RBFOX1: variants seen among roughly 807,000 people sequenced by gnomAD.
RBFOX1 encodes RNA binding protein fox-1 homolog 1.
Under a neutral mutation model 57.7 loss-of-function variants are expected in RBFOX1, and 8 were observed. The observed-to-expected ratio is 0.14, with a 90% CI of 0.08 to 0.25. The LOEUF is 0.25. RBFOX1 is among the 10% of genes least tolerant of loss of function. The pLI, the probability that RBFOX1 is intolerant of heterozygous loss-of-function variation, is 1.00. For missense variants in RBFOX1, 611 were observed against 548.5 expected (o/e 1.11, Z -1.14); for synonymous variants, 326 against 222.4 (o/e 1.47, Z -4.15).
At chr16:7,294,890 A>G (rs1293881390) in intron 4 of RBFOX1, among the ~76,000 whole-genome samples, 1 of 152,190 alleles carries the variant, frequency 6.6e-6, no homozygotes, top group Non-Finnish European at 1.5e-5. Flanking sequence ...AACAGACCAG[A>G]AAACCCTGTT....
At chr16:7,670,509 G>A (rs1431545547) in intron 13 of RBFOX1, among the ~76,000 whole-genome samples, 2 of 152,170 alleles carry the variant, frequency 1.3e-5, no homozygotes, top group African/African-American at 4.8e-5. Flanking sequence ...AGATGGGAAA[G>A]GAAGAGGGAG....
At chr16:6,235,050 G>C (rs142257461) in intron 1 of RBFOX1, among the ~76,000 whole-genome samples, 196 of 152,168 alleles carry the variant, frequency 1.3e-3, no homozygotes, top group Non-Finnish European at 2.4e-3. Flanking sequence ...AGATTGGCAG[G>C]GACATTGGTA....
chr16:7,217,737 C>T (rs763998649), intron 4 of RBFOX1, among the ~76,000 whole-genome samples: 4 of 152,192 alleles, frequency 2.6e-5, no homozygotes, highest in Non-Finnish European at 5.9e-5. Context: ...GCTTTATTTA[C>T]ATCAGTAAAG....
At chr16:6,419,950 C>A (rs7190164) in intron 2 of RBFOX1, among the ~76,000 whole-genome samples, 86,410 of 151,880 alleles carry the variant, frequency 0.57, 24,949 homozygotes, top group African/African-American at 0.67. Flanking sequence ...TGCAGGCCCC[C>A]CCATCCCTTC....
intron 3 of RBFOX1, among the ~76,000 whole-genome samples, chr16:6,821,903 T>C (rs562533220): frequency 6.4e-4 from 98 of 152,334 alleles, no homozygotes; most frequent in African/African-American, 2.3e-3. Flanking sequence ...CTAGGTCATA[T>C]GGTTTAACCC....
chr16:6,331,629 A>G (rs2083050131), intron 2 of RBFOX1, among the ~76,000 whole-genome samples: 1 of 149,704 alleles, frequency 6.7e-6, no homozygotes, highest in Non-Finnish European at 1.5e-5. Flanking sequence ...TATATAATCT[A>G]TCTGTTAATC....
chr16:6,992,166 A>AT (rs148693407), intron 3 of RBFOX1, among the ~76,000 whole-genome samples: 70,538 of 148,112 alleles, frequency 0.48, 19,449 homozygotes, highest in Non-Finnish European at 0.63. Flanking sequence ...TAGAGAAGCA[A>AT]TTTTTTGTTT....
chr16:7,230,022 G>A (rs1388646892), intron 4 of RBFOX1, among the ~76,000 whole-genome samples: 1 of 133,094 alleles, frequency 7.5e-6, no homozygotes, highest in Non-Finnish European at 1.6e-5. Context: ...GGGAGGAAGA[G>A]GGGAAGGAAG....
intron 3 of RBFOX1, among the ~76,000 whole-genome samples, chr16:5,628,451 A>T (rs955724278): frequency 6.6e-6 from 1 of 152,188 alleles, no homozygotes; most frequent in African/African-American, 2.4e-5. Flanking sequence ...CATAGTGATC[A>T]CCATAGTGAT....
intron 3 of RBFOX1, among the ~76,000 whole-genome samples, chr16:6,660,497 G>A (rs2098694427): frequency 6.6e-6 from 1 of 152,136 alleles, no homozygotes. Context: ...ATGAGGCCAC[G>A]ATTTGAGCTC....
intron 2 of RBFOX1, among the ~76,000 whole-genome samples, chr16:6,540,663 G>A (rs183315426): frequency 2.1e-5 from 3 of 144,350 alleles, no homozygotes; most frequent in Admixed American, 7.0e-5. Flanking sequence ...CTGTACAGAC[G>A]TTTCAAGAAT....
chr16:7,224,277 T>C (rs1188951493), intron 4 of RBFOX1, among the ~76,000 whole-genome samples: 1 of 152,148 alleles, frequency 6.6e-6, no homozygotes, highest in African/African-American at 2.4e-5. Context: ...CCAGCAGTTA[T>C]GGACAGTGTT....
chr16:7,009,626 A>G (rs1024861300), intron 3 of RBFOX1, among the ~76,000 whole-genome samples: 2 of 152,174 alleles, frequency 1.3e-5, no homozygotes, highest in African/African-American at 2.4e-5. Flanking sequence ...GATGTATAGC[A>G]TATTGGAATT....
chr16:7,503,853 G>A (rs749756782), intron 4 of RBFOX1, among the ~76,000 whole-genome samples: 1 of 152,118 alleles, frequency 6.6e-6, no homozygotes, highest in Non-Finnish European at 1.5e-5. Flanking sequence ...GACAGTGATG[G>A]GCAGCCCCAT....
intron 3 of RBFOX1, among the ~76,000 whole-genome samples, chr16:7,013,136 G>C (rs955304929): frequency 1.4e-4 from 21 of 152,150 alleles, no homozygotes; most frequent in African/African-American, 5.1e-4. Flanking sequence ...CTGAGGGTTA[G>C]GGATTTCACA....
At position 6,953,887 on chromosome 16, in the gene RBFOX1, G is replaced by C. The variant is rs181211303; in HGVS notation, c.-15-98170G>C. On this transcript the variant is annotated intron_variant, in intron 3 of 15. Coordinates refer to ENST00000550418, the MANE Select transcript of RBFOX1 (RefSeq NM_018723.4). ...CCATTGGCGGCCAAAGCCAGTTGTT[G>C]ACGTAAAGTTTTTTTTGGTTGTTGT... Among the ~76,000 whole-genome samples, 3 of 152,264 alleles carry C rather than the reference G, an allele frequency of 2.0e-5. No homozygotes were observed. In the East Asian group the frequency reaches 5.8e-4, roughly 29 times the overall value.
chr16:6,775,284 C>T (rs901060309), intron 3 of RBFOX1, among the ~76,000 whole-genome samples: 1 of 143,778 alleles, frequency 7.0e-6, no homozygotes, highest in African/African-American at 2.6e-5. Flanking sequence ...GAGCTGAGAT[C>T]GCGCCACCGC....
chr16:7,420,330 T>G (rs1329700349), intron 4 of RBFOX1, among the ~76,000 whole-genome samples: 1 of 152,218 alleles, frequency 6.6e-6, no homozygotes, highest in Admixed American at 6.5e-5. Flanking sequence ...TATCATCTTA[T>G]GCTTAGGCTT....
intron 3 of RBFOX1, among the ~76,000 whole-genome samples, chr16:6,689,772 T>C (rs1401882939): frequency 6.6e-6 from 1 of 152,212 alleles, no homozygotes; most frequent in Non-Finnish European, 1.5e-5. Context: ...CCCAGCTGTT[T>C]TGTTTCTCCG....
Sources: allele counts gnomAD v4.1 joint callset (sites outside exome capture counted in the v4.1 genomes callset), GRCh38; gene constraint gnomAD v4.1.1; transcripts MANE v1.5; gene names NCBI Gene and HGNC (gene_info 2026-07-23, HGNC 2026-07-21).